Variants in CSMD1 observed in about 807,000 individuals in gnomAD.
CSMD1 encodes CUB and sushi domain-containing protein 1.
In CSMD1, 213 loss-of-function variants were observed where a neutral mutation model predicts 417.5. That is an observed-to-expected ratio of 0.51 (90% CI 0.46 to 0.57). The LOEUF (loss-of-function observed/expected upper bound fraction) is 0.57. Among genes scored for constraint, CSMD1 ranks in the 20% least tolerant of loss-of-function variants. CSMD1 has a pLI of 0.00. For missense variants in CSMD1, 6,923 were observed against 4,529.7 expected (o/e 1.53, Z -15.17); for synonymous variants, 2,862 against 1,736.8 (o/e 1.65, Z -16.11).
chr8:3,448,864 A>G (rs569221346), intron 12 of CSMD1, among the ~76,000 whole-genome samples: 1 of 152,334 alleles, frequency 6.6e-6, no homozygotes, highest in African/African-American at 2.4e-5. Flanking sequence ...TAATTTTGGA[A>G]AACTTACGCA....
chr8:3,194,943 G>C (rs531155142), intron 33 of CSMD1, among the ~76,000 whole-genome samples: 1 of 152,096 alleles, frequency 6.6e-6, no homozygotes, highest in Non-Finnish European at 1.5e-5. Context: ...ACTTGAAAAA[G>C]TCCTGGCCAA....
At chr8:4,668,946 T>G (rs764826021) in intron 1 of CSMD1, among the ~76,000 whole-genome samples, 3 of 152,200 alleles carry the variant, frequency 2.0e-5, no homozygotes, top group Non-Finnish European at 2.9e-5. Context: ...CATCTATTAT[T>G]TCTGAACTAG....
At chr8:3,890,595 G>A (rs1002893176) in intron 5 of CSMD1, among the ~76,000 whole-genome samples, 2 of 152,072 alleles carry the variant, frequency 1.3e-5, no homozygotes, top group African/African-American at 2.4e-5. Context: ...CCGATTTCAG[G>A]AAATAAAGCA....
chr8:3,695,524 C>G (rs918011544), intron 7 of CSMD1, among the ~76,000 whole-genome samples: 2 of 151,902 alleles, frequency 1.3e-5, no homozygotes, highest in African/African-American at 4.8e-5. Flanking sequence ...CAGAAGAGAA[C>G]AATAATATAA....
intron 1 of CSMD1, among the ~76,000 whole-genome samples, chr8:4,665,867 T>G (rs1804885426): frequency 6.6e-6 from 1 of 152,222 alleles, no homozygotes; most frequent in African/African-American, 2.4e-5. Context: ...CTTGAGTAAT[T>G]ACCTAGGAAG....
rs1015244553 is a variant in CSMD1 at position 3,951,819 on chromosome 8, G to T, written c.818+46084C>A. ...TGAGCTGGCAAAGAAGTGAAAAATA[G>T]TAACTCAAAGTTAACCCAAAAAGAA... On this transcript the variant is annotated intron_variant, in intron 5 of 69. Coordinates refer to ENST00000635120, the MANE Select transcript of CSMD1 (RefSeq NM_033225.6). Among the ~76,000 whole-genome samples, 20 of 151,952 alleles carry T rather than the reference G, an allele frequency of 1.3e-4. 1 individual carries two copies. The highest frequency in any genetic ancestry group is 1.3e-3 in the Admixed American group (20 of 15,244).
At chr8:3,297,205 A>T (rs904701544) in intron 25 of CSMD1, among the ~76,000 whole-genome samples, 20 of 152,202 alleles carry the variant, frequency 1.3e-4, no homozygotes, top group African/African-American at 4.6e-4. Context: ...GGTATACAAT[A>T]TCAAGGACCA....
At chr8:3,825,650 C>T (rs761429358) in intron 5 of CSMD1, among the ~76,000 whole-genome samples, 3 of 152,058 alleles carry the variant, frequency 2.0e-5, no homozygotes, top group South Asian at 4.1e-4. Flanking sequence ...CAGCCAAATG[C>T]GACTGAGGCC....
intron 2 of CSMD1, among the ~76,000 whole-genome samples, chr8:4,589,384 C>G (rs189957902): frequency 1.3e-5 from 2 of 152,128 alleles, no homozygotes; most frequent in Non-Finnish European, 2.9e-5. Flanking sequence ...CTCAGGGACT[C>G]TGAACCAAAA....
At chr8:4,283,202 A>G (rs1464338066) in intron 3 of CSMD1, among the ~76,000 whole-genome samples, 1 of 152,154 alleles carries the variant, frequency 6.6e-6, no homozygotes, top group African/African-American at 2.4e-5. Flanking sequence ...ATTATATATG[A>G]ATATGATTTT....
chr8:3,523,443 C>T (rs1446559290), intron 10 of CSMD1, among the ~76,000 whole-genome samples: 1 of 152,126 alleles, frequency 6.6e-6, no homozygotes, highest in Admixed American at 6.5e-5. Context: ...AAACTGAGCC[C>T]TAGAGAGAAT....
chr8:4,764,990 G>C (rs1217623721), intron 1 of CSMD1, among the ~76,000 whole-genome samples: 1 of 148,124 alleles, frequency 6.8e-6, no homozygotes, highest in Non-Finnish European at 1.5e-5. Context: ...GCTGTTTATT[G>C]AATACCCTGG....
chr8:4,315,416 T>A (rs901236522), intron 3 of CSMD1, among the ~76,000 whole-genome samples: 4 of 152,150 alleles, frequency 2.6e-5, no homozygotes, highest in African/African-American at 9.6e-5. Flanking sequence ...GAGTGGCCCA[T>A]GTTCAGCAAA....
At chr8:4,167,677 T>A (rs1420370021) in intron 3 of CSMD1, among the ~76,000 whole-genome samples, 1 of 152,192 alleles carries the variant, frequency 6.6e-6, no homozygotes, top group African/African-American at 2.4e-5. Context: ...AGATATTGGT[T>A]ATATGATCAA....
In CSMD1 at chr8:4,058,208, A is replaced by C. The variant is rs547410737; in HGVS notation, c.416-26109T>G. On this transcript the variant is annotated intron_variant, in intron 3 of 69. Transcript: ENST00000635120. ...ATTTCTTTGTATCCTCTTTTATTTC[A>C]TTGAGCAGTGGTTTGTAGTTCTCCT... 6.4e-3 allele frequency among the ~76,000 whole-genome samples: 968 copies of C among 151,962 alleles called. 5 individuals are homozygous for C. Among genetic ancestry groups the C allele is most frequent in the Non-Finnish European group, 0.011 (733 of 67,952 alleles).
chr8:3,323,935 C>T (rs79812545), intron 23 of CSMD1, among the ~76,000 whole-genome samples: 2 of 132,842 alleles, frequency 1.5e-5, no homozygotes, highest in South Asian at 2.6e-4. Context: ...ACATCTAACC[C>T]CAGAGACCCA....
At chr8:3,515,679 A>C (rs1797254387) in intron 10 of CSMD1, among the ~76,000 whole-genome samples, 1 of 152,214 alleles carries the variant, frequency 6.6e-6, no homozygotes, top group Non-Finnish European at 1.5e-5. Context: ...GGAACAAGTC[A>C]ATCATCACAT....
chr8:4,937,750 G>A (rs930911919), intron 1 of CSMD1, among the ~76,000 whole-genome samples: 38 of 151,670 alleles, frequency 2.5e-4, no homozygotes, highest in Admixed American at 1.3e-4. Flanking sequence ...AGTGTGATCT[G>A]ATCTAGAGAG....
intron 3 of CSMD1, among the ~76,000 whole-genome samples, chr8:4,051,177 T>A (rs991812113): frequency 3.7e-4 from 29 of 78,190 alleles, no homozygotes; most frequent in African/African-American, 1.2e-3. Flanking sequence ...GGCAGCACAA[T>A]CCCTGCTGAG....
Sources: allele counts gnomAD v4.1 joint callset (sites outside exome capture counted in the v4.1 genomes callset), GRCh38; gene constraint gnomAD v4.1.1; transcripts MANE v1.5; gene names NCBI Gene and HGNC (gene_info 2026-07-23, HGNC 2026-07-21).